NIPA1: variants seen among roughly 807,000 people sequenced by gnomAD.
NIPA1 encodes the protein NIPA magnesium transporter 1.
NIPA1 carries 13 observed loss-of-function variants against 23.9 expected under a neutral mutation model. The observed-to-expected ratio is 0.54, with a 90% CI of 0.35 to 0.87. The LOEUF is 0.87. Among genes scored for constraint, NIPA1 ranks in the 40% least tolerant of loss-of-function variants. The pLI is 0.01. For missense variants in NIPA1, 362 were observed against 429.7 expected (o/e 0.84, Z 1.39); for synonymous variants, 234 against 202.9 (o/e 1.15, Z -1.30).
intron 1 of NIPA1, among the ~76,000 whole-genome samples, chr15:22,799,501 C>T (rs150140637): frequency 1.3e-4 from 19 of 151,570 alleles, no homozygotes; most frequent in African/African-American, 3.9e-4. Flanking sequence ...AAAAATTGGC[C>T]GGCCAGCGCA....
At position 22,811,868 on chromosome 15, in the gene NIPA1, G is replaced by A. The variant is rs554635497; in HGVS notation, c.227-295G>A. On this transcript the variant is annotated intron_variant, in intron 2 of 4. Coordinates refer to ENST00000337435, the MANE Select transcript of NIPA1 (RefSeq NM_144599.5). ...TCTGCCTGATTTGTGTGAAAACAAG[G>A]ATGTGTTAAGAGAGCGGAGATATGC... 2.0e-5 allele frequency among the ~76,000 whole-genome samples: 3 copies of A among 152,314 alleles called. No individual in the cohort carries two copies. In the East Asian group the frequency reaches 5.8e-4, roughly 29 times the overall value.
Position 22,816,178 on chromosome 15 carries a change from A to ATT in NIPA1, c.317+3953_317+3954dup, listed in dbSNP as rs71117481. ...ATTGCCTTTATTGGCAGAAGACCTG[A>ATT]TTTTTTTTTTTTTTTTTTTTTTTTT... On this transcript the variant is annotated intron_variant, in intron 3 of 4. Transcript: ENST00000337435. 1.1e-3 allele frequency among the ~76,000 whole-genome samples: 88 copies of ATT among 77,492 alleles called. 1 individual carries two copies. The highest frequency in any genetic ancestry group is 2.7e-3 in the East Asian group (5 of 1,846). The allele number at this position is 77,492 out of a possible 152,430, so 50.8% of individuals were successfully genotyped here. A position where few individuals can be genotyped will look rare whatever the true frequency, so the allele number is the denominator to read the frequency against.
rs931091284 is a variant in NIPA1, at chr15:22,826,579, G to A, written c.*2340G>A. 9.2e-5 allele frequency: 14 copies of A among 152,104 alleles called. No homozygotes were observed. The highest frequency in any genetic ancestry group is 3.4e-4 in the African/African-American group (14 of 41,414). The allele number at this position is 152,104 out of a possible 1,614,324, so 9.4% of individuals were successfully genotyped here. A position where few individuals can be genotyped will look rare whatever the true frequency, so the allele number is the denominator to read the frequency against. On this transcript the variant is annotated 3_prime_UTR_variant, in exon 5 of 5. Coordinates refer to ENST00000337435, the MANE Select transcript of NIPA1 (RefSeq NM_144599.5). ...GTTTGTGTTGCTACAGCTTTTGTGG[G>A]AAATTTAGTTTAAAGGCAGCTCTTG...
intron 1 of NIPA1, among the ~76,000 whole-genome samples, chr15:22,806,712 C>T (rs1055740997): frequency 1.3e-5 from 2 of 152,114 alleles, no homozygotes; most frequent in African/African-American, 4.8e-5. Flanking sequence ...GTGAAGAAAC[C>T]CAGTTGTTTT....
chr15:22,796,317 T>C (rs1894937570), intron 1 of NIPA1, among the ~76,000 whole-genome samples: 1 of 152,082 alleles, frequency 6.6e-6, no homozygotes, highest in African/African-American at 2.4e-5. Flanking sequence ...CATTTTCTTA[T>C]GATAGAAGCA....
At chr15:22,803,787 C>T (rs1215151591) in intron 1 of NIPA1, among the ~76,000 whole-genome samples, 2 of 148,054 alleles carry the variant, frequency 1.4e-5, no homozygotes, top group African/African-American at 5.0e-5. Flanking sequence ...TCATGCCATT[C>T]TCCTGCCTCA....
intron 3 of NIPA1, 94 bp downstream of exon 3, chr15:22,812,347 T>C: frequency 6.5e-6 from 6 of 922,360 alleles, no homozygotes; most frequent in South Asian, 1.4e-5. Context: ...AAGAGCAAAA[T>C]TGTAATAGAA....
chr15:22,798,025 T>C (rs1474185321), intron 1 of NIPA1, among the ~76,000 whole-genome samples: 3 of 150,450 alleles, frequency 2.0e-5, no homozygotes, highest in Admixed American at 6.6e-5. Context: ...CTTTTTGTAT[T>C]TTTAGTAGAG....
At chr15:22,791,324 G>A (rs1894820623) in intron 1 of NIPA1, among the ~76,000 whole-genome samples, 1 of 151,992 alleles carries the variant, frequency 6.6e-6, no homozygotes, top group South Asian at 2.1e-4. Flanking sequence ...ACTTACAAGT[G>A]GAAGCTAAAC....
At chr15:22,792,987 G>A (rs570074052) in intron 1 of NIPA1, among the ~76,000 whole-genome samples, 9 of 152,186 alleles carry the variant, frequency 5.9e-5, no homozygotes, top group African/African-American at 1.9e-4. Context: ...GGTTGGTAGC[G>A]GGAGGCACAG....
intron 1 of NIPA1, among the ~76,000 whole-genome samples, chr15:22,788,766 A>T (rs1292461207): frequency 6.6e-6 from 1 of 150,626 alleles, no homozygotes; most frequent in Non-Finnish European, 1.5e-5. Context: ...TAAAAAAAAC[A>T]TGATAAGCTG....
chr15:22,789,802 GT>G (rs976987531), intron 1 of NIPA1, among the ~76,000 whole-genome samples: 1 of 151,578 alleles, frequency 6.6e-6, no homozygotes, highest in African/African-American at 2.4e-5. Flanking sequence ...AGGAATGAAA[GT>G]TTTTTTTTGG....
chr15:22,801,507 CTTTTTTTTT>C lies in NIPA1; in HGVS notation c.179-9226_179-9218del, dbSNP rs35360583. ...TAGGGGCAGACAACACTTCTAGCGACTTTTTTTTTTTTTTTTTTTTTTTTGAGAGACAGA... is the reference window on the plus strand; with the variant it reads ...TAGGGGCAGACAACACTTCTAGCGACTTTTTTTTTTTTTTTGAGAGACAGA... On this transcript the variant is annotated intron_variant, in intron 1 of 4. Transcript: ENST00000337435. 1.8e-3 allele frequency among the ~76,000 whole-genome samples: 142 copies of C among 78,982 alleles called. 1 individual carries two copies. In the South Asian group the frequency reaches 0.069, roughly 39 times the overall value. 51.8% of individuals were successfully genotyped at this position (78,982 alleles called of 152,430 possible).
intron 4 of NIPA1, among the ~76,000 whole-genome samples, chr15:22,822,908 G>GTTTTTT (rs59308538): frequency 1.1e-5 from 1 of 91,442 alleles, no homozygotes; most frequent in Non-Finnish European, 2.0e-5. Context: ...GCTGTAAATG[G>GTTTTTT]TTTTTTTTTT....
chr15:22,791,304 G>A (rs766018789), intron 1 of NIPA1, among the ~76,000 whole-genome samples: 11 of 151,914 alleles, frequency 7.2e-5, no homozygotes, highest in Non-Finnish European at 5.9e-5. Flanking sequence ...GTCAAAAACC[G>A]CATGTTCTCA....
rs931104329 is a variant in NIPA1, at chr15:22,826,880, A to G, written c.*2641A>G. 5.3e-5 allele frequency: 8 copies of G among 152,196 alleles called. No individual in the cohort carries two copies. The highest frequency in any genetic ancestry group is 1.2e-4 in the Non-Finnish European group (8 of 68,034). 9.4% of individuals were successfully genotyped at this position (152,196 alleles called of 1,614,324 possible). A position where few individuals can be genotyped will look rare whatever the true frequency, so the allele number is the denominator to read the frequency against. ...GCACGTGACACCAGCCTCAAAGTAA[A>G]TGACATGACCAGTGGTTGAACAGTC... On this transcript the variant is annotated 3_prime_UTR_variant, in exon 5 of 5. Coordinates refer to ENST00000337435, the MANE Select transcript of NIPA1 (RefSeq NM_144599.5).
chr15:22,813,263 G>A (rs963327275), intron 3 of NIPA1, among the ~76,000 whole-genome samples: 6 of 152,142 alleles, frequency 3.9e-5, no homozygotes, highest in East Asian at 1.9e-4. Flanking sequence ...CAGTGTGTGC[G>A]CAGGCTTCTT....
chr15:22,806,053 A>G (rs781408031), intron 1 of NIPA1, among the ~76,000 whole-genome samples: 6 of 152,018 alleles, frequency 3.9e-5, no homozygotes, highest in Non-Finnish European at 7.4e-5. Context: ...CCTCCCGAAT[A>G]GCTGGGACTA....
intron 1 of NIPA1, among the ~76,000 whole-genome samples, chr15:22,788,883 C>T (rs1178625943): frequency 8.3e-6 from 1 of 120,192 alleles, no homozygotes; most frequent in Non-Finnish European, 1.6e-5. Context: ...TGTGCCATTG[C>T]ACTCCAGCCC....
Sources: gnomAD v4.1 joint callset for allele counts (sites outside exome capture counted in the v4.1 genomes callset) on GRCh38, gnomAD v4.1.1 for gene constraint, MANE v1.5 for transcripts, NCBI Gene and HGNC (gene_info 2026-07-23, HGNC 2026-07-21) for gene names.